FBXO4: variants seen among roughly 807,000 people sequenced by gnomAD.
FBXO4 encodes F-box protein 4, also known as F-box only protein 4.
In FBXO4, 36 loss-of-function variants were observed where a neutral mutation model predicts 43.7. The ratio of observed to expected loss-of-function variants is 0.82; its 90% CI spans 0.63 to 1.09. The LOEUF (loss-of-function observed/expected upper bound fraction) is 1.09. Among genes scored for constraint, FBXO4 ranks in the 50% least tolerant of loss-of-function variants. The pLI, the probability that FBXO4 is intolerant of heterozygous loss-of-function variation, is 0.00. For synonymous variants in FBXO4, 180 were observed against 165.6 expected, an observed-to-expected ratio of 1.09 and a Z score of -0.67; for missense variants, 435 against 474.1, an observed-to-expected ratio of 0.92 and a Z score of 0.77.
intron 3 of FBXO4, 181 bp downstream of exon 3, chr5:41,930,098 T>G (rs1751637235): frequency 1.8e-6 from 1 of 547,116 alleles, no homozygotes; most frequent in South Asian, 2.8e-5. Context: ...TAAGAAAGCT[T>G]CCTCTTAATT....
chr5:42,003,506 G>GTATT, the FBXO4 span, among the ~76,000 whole-genome samples: 3 of 152,088 alleles, frequency 2.0e-5, no homozygotes, highest in East Asian at 1.9e-4. Context: ...TTGGCTTTCT[G>GTATT]TATTTATTTA....
the FBXO4 span, chr5:41,967,285 T>C: frequency 2.2e-6 from 1 of 457,890 alleles, no homozygotes; most frequent in Admixed American, 2.9e-5. Context: ...GTGATATAAC[T>C]GGCTTTTTGC....
chr5:41,991,542 C>CTGAAGG, the FBXO4 span, among the ~76,000 whole-genome samples: 13 of 152,200 alleles, frequency 8.5e-5, no homozygotes, highest in African/African-American at 3.1e-4. Context: ...TGATTTGTCT[C>CTGAAGG]TTCAGAGTCC....
the FBXO4 span, among the ~76,000 whole-genome samples, chr5:42,007,037 A>G: frequency 2.0e-5 from 3 of 150,436 alleles, no homozygotes; most frequent in East Asian, 3.9e-4. Context: ...TATGTGTTGA[A>G]CTGCCTCCCT....
chr5:41,926,531 C>CCA (rs1751506297), intron 1 of FBXO4, among the ~76,000 whole-genome samples: 1 of 152,092 alleles, frequency 6.6e-6, no homozygotes, highest in African/African-American at 2.4e-5. Context: ...CGAGATCTTG[C>CCA]CACTGCACTC....
At chr5:41,934,985 T>C (rs1267440581) in intron 5 of FBXO4, 1 of 984,132 alleles carries the variant, frequency 1.0e-6, no homozygotes, top group Non-Finnish European at 1.2e-6. Flanking sequence ...TTTGAATTTC[T>C]ATTCAATTTA....
At chr5:41,939,271 T>C (rs1751933980) in intron 5 of FBXO4, 170 bp from the exon 6 acceptor site, 4 of 508,002 alleles carry the variant, frequency 7.9e-6, no homozygotes, top group Non-Finnish European at 1.4e-5. Context: ...TATCAAGCAT[T>C]TTTGCTTTTA....
chr5:42,022,254 A>C, the FBXO4 span, among the ~76,000 whole-genome samples: 1 of 152,258 alleles, frequency 6.6e-6, no homozygotes, highest in African/African-American at 2.4e-5. Context: ...GACATTGGAG[A>C]AAAAGAGAAA....
intron 2 of FBXO4, 109 bp downstream of exon 2, chr5:41,927,357 G>A: frequency 1.3e-6 from 1 of 788,560 alleles, no homozygotes; most frequent in Non-Finnish European, 2.0e-6. Flanking sequence ...CGTGGATTTG[G>A]GGTCTAATTG....
At chr5:41,975,225 C>T in the FBXO4 span, among the ~76,000 whole-genome samples, 6 of 152,236 alleles carry the variant, frequency 3.9e-5, no homozygotes, top group African/African-American at 1.4e-4. Flanking sequence ...TTACTGACAT[C>T]TGGCTTTGTC....
At chr5:41,986,336 A>G in the FBXO4 span, among the ~76,000 whole-genome samples, 3,953 of 151,870 alleles carry the variant, frequency 0.026, 72 homozygotes, top group Non-Finnish European at 0.038. Flanking sequence ...GAGAGAGAGG[A>G]AAAAAAACAA....
chr5:42,000,533 G>T, the FBXO4 span, among the ~76,000 whole-genome samples: 138 of 152,058 alleles, frequency 9.1e-4, 2 homozygotes, highest in African/African-American at 3.3e-3. Context: ...CATTCCATAG[G>T]TTGCCTTTCA....
the FBXO4 span, among the ~76,000 whole-genome samples, chr5:42,010,000 A>G: frequency 1.3e-5 from 2 of 152,176 alleles, no homozygotes; most frequent in African/African-American, 4.8e-5. Context: ...TACTCTAGGT[A>G]CCTTAGGTAA....
chr5:41,961,642 C>G, the FBXO4 span, among the ~76,000 whole-genome samples: 1 of 152,176 alleles, frequency 6.6e-6, no homozygotes, highest in Non-Finnish European at 1.5e-5. Flanking sequence ...CCTATGGTAT[C>G]TAAGTCAGTA....
chr5:41,970,697 G>C, the FBXO4 span, among the ~76,000 whole-genome samples: 1 of 151,938 alleles, frequency 6.6e-6, no homozygotes, highest in South Asian at 2.1e-4. Flanking sequence ...ACCAATGATG[G>C]TTAACCAGAT....
the FBXO4 span, among the ~76,000 whole-genome samples, chr5:41,989,561 A>G: frequency 6.6e-6 from 1 of 152,178 alleles, no homozygotes; most frequent in Non-Finnish European, 1.5e-5. Context: ...GCCTTGGAAT[A>G]TTATTGCAGA....
chr5:41,995,379 T>C, the FBXO4 span, among the ~76,000 whole-genome samples: 1 of 152,170 alleles, frequency 6.6e-6, no homozygotes, highest in African/African-American at 2.4e-5. Context: ...AAGCTGCCAC[T>C]AGGTAGTTGG....
chr5:41,931,313 G>A (rs187189925), intron 3 of FBXO4, among the ~76,000 whole-genome samples: 5 of 152,342 alleles, frequency 3.3e-5, no homozygotes, highest in Admixed American at 2.0e-4. Context: ...CAGAATAAAT[G>A]TATTAGCAGT....
chr5:41,961,031 C>A, the FBXO4 span, among the ~76,000 whole-genome samples: 1 of 152,018 alleles, frequency 6.6e-6, no homozygotes, highest in Non-Finnish European at 1.5e-5. Context: ...GGAGTATTCT[C>A]CTCTTCCTTA....
Sources: gnomAD v4.1 joint callset for allele counts (sites outside exome capture counted in the v4.1 genomes callset) on GRCh38, gnomAD v4.1.1 for gene constraint, MANE v1.5 for transcripts, NCBI Gene and HGNC (gene_info 2026-07-23, HGNC 2026-07-21) for gene names.